GABRG1: variants seen among roughly 807,000 people sequenced by gnomAD.
The protein encoded by GABRG1 is gamma-aminobutyric acid receptor subunit gamma-1.
A neutral mutation model predicts 49.8 loss-of-function variants in GABRG1; 49 were observed. The observed-to-expected ratio is 0.98, with a 90% CI of 0.78 to 1.25. GABRG1 has a LOEUF of 1.25. GABRG1 is among the 50% of genes most tolerant of loss of function. The pLI is 0.00. For missense variants in GABRG1, 552 were observed against 552.3 expected, an observed-to-expected ratio of 1.00 and a Z score of 0.01; for synonymous variants, 232 against 185.1, an observed-to-expected ratio of 1.25 and a Z score of -2.06.
rs943348970 is a variant in GABRG1 at position 46,035,795 on chromosome 4, T to C, written c.*5193A>G. On this transcript the variant is annotated 3_prime_UTR_variant, in exon 9 of 9. Transcript: ENST00000295452. ...TTAAGAGAATGTGACTCTTTATTTA[T>C]AACAAGTTACTGGTATTTTTTTTGT... The C allele has an allele frequency of 6.6e-6, 1 of 152,016 alleles. No homozygotes were observed. The highest frequency in any genetic ancestry group is 1.5e-5 in the Non-Finnish European group (1 of 67,910). 9.4% of individuals were successfully genotyped at this position (152,016 alleles called of 1,614,324 possible). A position where few individuals can be genotyped will look rare whatever the true frequency, so the allele number is the denominator to read the frequency against.
rs555511590 is a variant in GABRG1 at position 46,112,837 on chromosome 4, G to A, written c.104+10973C>T. On this transcript the variant is annotated intron_variant, in intron 1 of 8. Coordinates refer to ENST00000295452, the MANE Select transcript of GABRG1 (RefSeq NM_173536.4). ...AACTAACCATTGGGTACTATGATTC[G>A]TATATCGCTGATGGGATTATTCCTA... Among the ~76,000 whole-genome samples, 10 of 151,008 alleles carry A rather than the reference G, an allele frequency of 6.6e-5. No homozygotes were observed. The South Asian group carries it at 1.2e-3, about 19-fold the overall frequency.
chr4:46,114,970 G>GA (rs958219697), intron 1 of GABRG1, among the ~76,000 whole-genome samples: 5 of 148,626 alleles, frequency 3.4e-5, no homozygotes, highest in African/African-American at 4.9e-5. Flanking sequence ...CATAAGGACA[G>GA]AAAAAAAAAG....
intron 3 of GABRG1, among the ~76,000 whole-genome samples, chr4:46,072,299 A>G (rs1436180485): frequency 3.9e-5 from 6 of 152,222 alleles, no homozygotes; most frequent in Non-Finnish European, 7.4e-5. Flanking sequence ...AATTGACTAA[A>G]GATACATTTC....
At chr4:46,044,837 T>A (rs1219274540) in intron 8 of GABRG1, among the ~76,000 whole-genome samples, 19 of 152,116 alleles carry the variant, frequency 1.2e-4, no homozygotes. Flanking sequence ...ATCTCTAAAC[T>A]CTATAACTTC....
At chr4:46,081,569 C>A (rs887212033) in intron 3 of GABRG1, among the ~76,000 whole-genome samples, 2 of 151,550 alleles carry the variant, frequency 1.3e-5, no homozygotes, top group African/African-American at 4.8e-5. Context: ...TAAAGGTTCA[C>A]CAGCTATAAA....
chr4:46,121,475 CA>C (rs1263469529), intron 1 of GABRG1, among the ~76,000 whole-genome samples: 8 of 151,966 alleles, frequency 5.3e-5, no homozygotes, highest in Admixed American at 4.6e-4. Context: ...TTAGCAAAAG[CA>C]TGCTTTATTT....
intron 8 of GABRG1, among the ~76,000 whole-genome samples, chr4:46,042,328 C>T (rs942950700): frequency 6.6e-6 from 1 of 151,892 alleles, no homozygotes; most frequent in Non-Finnish European, 1.5e-5. Context: ...AAAAATGTTA[C>T]TGGAAAAAAG....
intron 1 of GABRG1, among the ~76,000 whole-genome samples, chr4:46,100,629 G>C (rs931439167): frequency 1.3e-5 from 2 of 149,312 alleles, no homozygotes; most frequent in Non-Finnish European, 3.0e-5. Flanking sequence ...GAAGTATCTG[G>C]TGGGTATGGC....
intron 2 of GABRG1, among the ~76,000 whole-genome samples, chr4:46,088,831 G>GTGTGTGTGTT (rs1560366042): frequency 1.3e-5 from 2 of 150,872 alleles, no homozygotes; most frequent in Non-Finnish European, 3.0e-5. Flanking sequence ...GTGTGTGTGT[G>GTGTGTGTGTT]TGTGTGTGTG....
At chr4:46,095,211 T>A (rs1045970910) in intron 2 of GABRG1, among the ~76,000 whole-genome samples, 6 of 151,642 alleles carry the variant, frequency 4.0e-5, no homozygotes, top group Non-Finnish European at 8.8e-5. Context: ...ACAACTGAGA[T>A]GAAGAGAAGT....
chr4:46,053,211 C>A (rs1718303145), intron 7 of GABRG1, among the ~76,000 whole-genome samples: 1 of 151,308 alleles, frequency 6.6e-6, no homozygotes, highest in South Asian at 2.1e-4. Flanking sequence ...AATTTACTTC[C>A]TTTTTTGTTA....
At chr4:46,054,867 C>T (rs1718373023) in intron 7 of GABRG1, among the ~76,000 whole-genome samples, 1 of 37,926 alleles carries the variant, frequency 2.6e-5, no homozygotes, top group Non-Finnish European at 4.5e-5. Context: ...TTGCCCTGGC[C>T]AGAACTTCCA....
intron 1 of GABRG1, among the ~76,000 whole-genome samples, chr4:46,120,075 C>T (rs1037414867): frequency 6.6e-6 from 1 of 151,598 alleles, no homozygotes; most frequent in Non-Finnish European, 1.5e-5. Context: ...AGATTTTCTG[C>T]CTCAAGGAGT....
Position 46,058,269 on chromosome 4 carries a change from A to G in GABRG1, c.864T>C (p.Ser288=), listed in dbSNP as rs1408411240. The change falls in exon 7 of 9, where the codon TCT becomes TCC. Residue 288 remains serine (S), a synonymous_variant. Coordinates refer to ENST00000295452, the MANE Select transcript of GABRG1 (RefSeq NM_173536.4). The part of the protein sequence containing the change: ...YIPCILTVVL[S]WVSFWINKDA... ...CTTTATTGATCCAAAAAGACACCCAAGAAAGAACAACTGTCAGAATGCATG... is the reference window on the plus strand; with the variant it reads ...CTTTATTGATCCAAAAAGACACCCAGGAAAGAACAACTGTCAGAATGCATG... The G allele has an allele frequency of 1.9e-6, 3 of 1,613,510 alleles. No homozygotes were observed. Among genetic ancestry groups the G allele is most frequent in the East Asian group, 4.5e-5 (2 of 44,806 alleles).
At position 46,109,432 on chromosome 4, in the gene GABRG1, C is replaced by T. The variant is rs574044685; in HGVS notation, c.105-12083G>A. Reference sequence around the variant, plus strand: ...TCTCTCTTTTTCTTTGTTAATCTAGCTTTCAGTCCATCAATCTTGTTTATC... The same window carrying T: ...TCTCTCTTTTTCTTTGTTAATCTAGTTTTCAGTCCATCAATCTTGTTTATC... On this transcript the variant is annotated intron_variant, in intron 1 of 8. Coordinates refer to ENST00000295452, the MANE Select transcript of GABRG1 (RefSeq NM_173536.4). 4.6e-5 allele frequency among the ~76,000 whole-genome samples: 7 copies of T among 150,900 alleles called. No individual in the cohort carries two copies. In the East Asian group the frequency reaches 7.9e-4, roughly 17 times the overall value.
rs75007352 is a variant in GABRG1, at chr4:46,099,595, C to A, written c.105-2246G>T. 3.3e-3 allele frequency among the ~76,000 whole-genome samples: 504 copies of A among 151,796 alleles called. 10 individuals carry two copies. Among genetic ancestry groups the A allele is most frequent in the Admixed American group, 0.03 (455 of 15,184 alleles). On this transcript the variant is annotated intron_variant, in intron 1 of 8. Coordinates refer to ENST00000295452, the MANE Select transcript of GABRG1 (RefSeq NM_173536.4). The stretch of plus-strand genomic sequence containing the variant: ...AAATTGAGAGATGTTAAGTAACATA[C>A]GCCTCAGTTCTACTATTCCAAATCT...
intron 1 of GABRG1, 103 bp from the exon 2 acceptor site, chr4:46,097,452 C>A: frequency 1.8e-6 from 2 of 1,130,676 alleles, no homozygotes; most frequent in South Asian, 1.7e-5. Flanking sequence ...GTAATAATGG[C>A]AGACAAAAAG....
chr4:46,123,457 T>G (rs1417869632), intron 1 of GABRG1, among the ~76,000 whole-genome samples: 2 of 152,082 alleles, frequency 1.3e-5, no homozygotes, highest in African/African-American at 4.8e-5. Flanking sequence ...AAATGCAGAA[T>G]CATCCAGAAA....
rs776216646 is a variant in GABRG1 at position 46,120,430 on chromosome 4, T to C, written c.104+3380A>G. On this transcript the variant is annotated intron_variant, in intron 1 of 8. Coordinates refer to ENST00000295452, the MANE Select transcript of GABRG1 (RefSeq NM_173536.4). ...CATAAGTGTTCTTCATAGTATAGAA[T>C]GGAAGAAAGATACTGATTGTTTGGA... is the stretch of plus-strand genomic sequence containing the variant. Among the ~76,000 whole-genome samples, 6 of 151,906 alleles carry C rather than the reference T, an allele frequency of 3.9e-5. No individual in the cohort carries two copies. In the South Asian group the frequency reaches 1.2e-3, roughly 31 times the overall value.
Sources: allele counts gnomAD v4.1 joint callset (sites outside exome capture counted in the v4.1 genomes callset), GRCh38; gene constraint gnomAD v4.1.1; transcripts MANE v1.5; gene names NCBI Gene and HGNC (gene_info 2026-07-23, HGNC 2026-07-21).